The following MET variants were observed in gnomAD, a reference collection of about 807,000 sequenced individuals.
MET encodes hepatocyte growth factor receptor.
A neutral mutation model predicts 133.1 loss-of-function variants in MET; 48 were observed. That is an observed-to-expected ratio of 0.36 (90% CI 0.29 to 0.46). The LOEUF is 0.46. Ranked by LOEUF, MET falls within the 20% of genes least tolerant of loss-of-function variation. The pLI is 1.00. For missense variants in MET, 1,442 were observed against 1,695.9 expected (o/e 0.85, Z 2.63); for synonymous variants, 628 against 616.5 (o/e 1.02, Z -0.28).
intron 19 of MET, among the ~76,000 whole-genome samples, chr7:116,787,407 A>T (rs867395176): frequency 6.6e-6 from 1 of 152,232 alleles, no homozygotes; most frequent in African/African-American, 2.4e-5. Context: ...GGGATTTATA[A>T]TGAACAGAAA....
At chr7:116,739,891 C>G in intron 3 of MET, 59 bp from the exon 4 acceptor site, 1 of 1,611,614 alleles carries the variant, frequency 6.2e-7, no homozygotes, top group Non-Finnish European at 8.5e-7. Context: ...CTACATTTTC[C>G]ACTTATATTT....
rs864622222 is a variant in MET at position 116,699,225 on chromosome 7, C to G, written c.141C>G (p.Thr47=). 1 of 1,613,938 alleles carries G rather than the reference C, an allele frequency of 6.2e-7. No homozygotes were observed. The highest frequency in any genetic ancestry group is 2.2e-5 in the East Asian group (1 of 44,868). Reference sequence around the variant, plus strand: ...TGAAGTATCAGCTTCCCAACTTCACCGCGGAAACACCCATCCAGAATGTCA... The same window carrying G: ...TGAAGTATCAGCTTCCCAACTTCACGGCGGAAACACCCATCCAGAATGTCA... ...VNMKYQLPNF[T]AETPIQNVIL... The change falls in exon 2 of 21, where the codon ACC becomes ACG. Residue 47 remains threonine, a synonymous_variant. Coordinates refer to ENST00000397752, the MANE Select transcript of MET (RefSeq NM_000245.4).
intron 11 of MET, among the ~76,000 whole-genome samples, chr7:116,764,673 C>G (rs921554392): frequency 1.3e-5 from 2 of 152,050 alleles, no homozygotes; most frequent in African/African-American, 4.8e-5. Context: ...AATTGTTGGA[C>G]CAAGAAAAAC....
chr7:116,716,284 GGAGAGAGAGAGAGAGAGAGAGAGA>G (rs564115135), intron 2 of MET, among the ~76,000 whole-genome samples: 6 of 38,022 alleles, frequency 1.6e-4, no homozygotes, highest in African/African-American at 2.9e-4. Flanking sequence ...AGGGAGAGAG[GGAGAGAGAGAGAGAGAGAGAGAGA>G]GAGAGAGAGA....
At chr7:116,741,824 G>A (rs190100786) in intron 5 of MET, among the ~76,000 whole-genome samples, 87 of 152,314 alleles carry the variant, frequency 5.7e-4, no homozygotes, top group African/African-American at 2.0e-3. Flanking sequence ...TAGTCCCTGA[G>A]GAGATATAGT....
chr7:116,781,991 C>A lies in MET; in HGVS notation c.3526C>A (p.Pro1176Thr), dbSNP rs764549271. Residue 1176 changes from proline (P) to threonine (T), a missense_variant, in exon 18 of 21, where the codon CCA (proline) becomes ACA (threonine). Physicochemically the swap from Pro to Thr is conservative, Grantham distance 38. Around this residue, in one of 6 missense-constraint regions of MET, gnomAD observed 514 missense variants for 659.6 expected, o/e 0.78. Coordinates refer to ENST00000397752, the MANE Select transcript of MET (RefSeq NM_000245.4). ...RNFIRNETHN[P>T]TVKDLIGFGL... Reference sequence around the variant, plus strand: ...TTCTAACTCTCTTTGACTGCAGAATCCAACTGTAAAAGATCTTATTGGCTT... The same window carrying A: ...TTCTAACTCTCTTTGACTGCAGAATACAACTGTAAAAGATCTTATTGGCTT... The A allele has an allele frequency of 6.2e-7, 1 of 1,607,212 alleles. No individual in the cohort carries two copies. Among genetic ancestry groups the A allele is most frequent in the Non-Finnish European group, 8.5e-7 (1 of 1,174,032 alleles).
Position 116,740,924 on chromosome 7 carries a change from C to T in MET, c.1600C>T (p.Pro534Ser), listed in dbSNP as rs200283364. 5 of 1,614,212 alleles carry T rather than the reference C, an allele frequency of 3.1e-6. No individual in the cohort carries two copies. The highest frequency in any genetic ancestry group is 4.2e-6 in the Non-Finnish European group (5 of 1,180,048). Residue 534 changes from proline to serine, a missense_variant, in exon 5 of 21, where the codon CCC becomes TCC. Coordinates refer to ENST00000397752, the MANE Select transcript of MET (RefSeq NM_000245.4). ...QSCSQCLSAP[P>S]FVQCGWCHDK... is the part of the protein sequence containing the mutation. ...CTGCAGTCAATGCCTCTCTGCCCCA[C>T]CCTTTGTTCAGTGTGGCTGGTGCCA...
intron 2 of MET, among the ~76,000 whole-genome samples, chr7:116,722,778 ATTC>A (rs1240324571): frequency 1.3e-5 from 2 of 152,130 alleles, no homozygotes; most frequent in Admixed American, 6.6e-5. Context: ...TGGGTTGAAA[ATTC>A]TTTTCTTTAA....
chr7:116,702,937 G>C (rs960505947), intron 2 of MET, among the ~76,000 whole-genome samples: 5 of 147,628 alleles, frequency 3.4e-5, no homozygotes, highest in African/African-American at 1.2e-4. Flanking sequence ...TACCAGGCCT[G>C]ACTTGCTTGT....
At position 116,699,382 on chromosome 7, in the gene MET, G is replaced by A. The variant is rs1554378400; in HGVS notation, c.298G>A (p.Asp100Asn). 6.2e-7 allele frequency: 1 copy of A among 1,614,012 alleles called. No homozygotes were observed. Among genetic ancestry groups the A allele is most frequent in the Non-Finnish European group, 8.5e-7 (1 of 1,179,936 alleles). ...ACACCCAGATTGTTTCCCATGTCAG[G>A]ACTGCAGCAGCAAAGCCAATTTATC... The part of the protein sequence containing the change: ...LEHPDCFPCQ[D>N]CSSKANLSGG... The change falls in exon 2 of 21, where the codon GAC becomes AAC. Residue 100 changes from aspartate (D) to asparagine (N), a missense_variant. Coordinates refer to ENST00000397752, the MANE Select transcript of MET (RefSeq NM_000245.4).
intron 15 of MET, among the ~76,000 whole-genome samples, chr7:116,775,814 A>G (rs979477645): frequency 1.3e-5 from 2 of 152,232 alleles, no homozygotes; most frequent in Non-Finnish European, 2.9e-5. Flanking sequence ...GACAAACTCT[A>G]TGAAGCCTGG....
At chr7:116,772,098 G>A (rs2116999826) in intron 14 of MET, 109 bp downstream of exon 14, 3 of 1,255,458 alleles carry the variant, frequency 2.4e-6, no homozygotes, top group Non-Finnish European at 3.4e-6. Context: ...AAAACCTAAA[G>A]GAAGTATTTA....
intron 1 of MET, among the ~76,000 whole-genome samples, chr7:116,679,076 T>G (rs1463365000): frequency 6.6e-6 from 1 of 152,224 alleles, no homozygotes; most frequent in Admixed American, 6.5e-5. Flanking sequence ...AATACTCAGT[T>G]GTAATCCTTA....
intron 2 of MET, among the ~76,000 whole-genome samples, chr7:116,719,417 A>C (rs1189489197): frequency 6.6e-6 from 1 of 152,050 alleles, no homozygotes; most frequent in African/African-American, 2.4e-5. Flanking sequence ...AGGTTGCAAA[A>C]ATTTTCTCCC....
rs750811600 is a variant in MET at position 116,796,156 on chromosome 7, C to A, written c.*32C>A. 2 of 1,597,052 alleles carry A rather than the reference C, an allele frequency of 1.3e-6. No individual in the cohort carries two copies. The highest frequency in any genetic ancestry group is 1.7e-6 in the Non-Finnish European group (2 of 1,165,696). On this transcript the variant is annotated 3_prime_UTR_variant, in exon 21 of 21. Transcript: ENST00000397752. ...TACTATGTCAAAGCAACAGTCCACA[C>A]TTTGTCCAATGGTTTTTTCACTGCC...
At chr7:116,732,140 G>A (rs1338007523) in intron 3 of MET, among the ~76,000 whole-genome samples, 5 of 152,056 alleles carry the variant, frequency 3.3e-5, no homozygotes, top group Non-Finnish European at 7.4e-5. Flanking sequence ...TTTCTGTCAC[G>A]TGATTGGAAA....
chr7:116,764,144 T>C (rs974199011), intron 11 of MET, among the ~76,000 whole-genome samples: 2 of 152,202 alleles, frequency 1.3e-5, no homozygotes, highest in African/African-American at 4.8e-5. Flanking sequence ...TAAGTAATAA[T>C]ATGTTTCCAT....
At chr7:116,768,001 T>C (rs911743932) in intron 11 of MET, among the ~76,000 whole-genome samples, 3 of 150,674 alleles carry the variant, frequency 2.0e-5, no homozygotes, top group Non-Finnish European at 3.0e-5. Flanking sequence ...TGTGTGTGTG[T>C]GTGTGTATAC....
intron 3 of MET, among the ~76,000 whole-genome samples, chr7:116,735,412 C>G (rs1338775108): frequency 6.6e-6 from 1 of 152,166 alleles, no homozygotes; most frequent in African/African-American, 2.4e-5. Context: ...AATCAGTGAA[C>G]CTAAGAATAA....
Sources: gnomAD v4.1 joint callset for allele counts (sites outside exome capture counted in the v4.1 genomes callset) on GRCh38, gnomAD v4.1.1 for gene constraint, gnomAD v4.1.1 regional missense constraint, MANE v1.5 for transcripts, NCBI Gene and HGNC (gene_info 2026-07-23, HGNC 2026-07-21) for gene names.